Variants in PPM1E observed in about 807,000 individuals in gnomAD.
The protein encoded by PPM1E is protein phosphatase, Mg2+/Mn2+ dependent 1E.
Under a neutral mutation model 65.9 loss-of-function variants are expected in PPM1E, and 20 were observed. That is an observed-to-expected ratio of 0.30 (90% CI 0.21 to 0.44). The LOEUF is 0.44. PPM1E is among the 20% of genes least tolerant of loss of function. The pLI is 1.00. For missense variants in PPM1E, 713 were observed against 953.1 expected, an observed-to-expected ratio of 0.75 and a Z score of 3.32; for synonymous variants, 352 against 374.9, an observed-to-expected ratio of 0.94 and a Z score of 0.70.
In PPM1E at chr17:58,840,235, G is replaced by A. The variant is rs117970180; in HGVS notation, c.464+83774G>A. Among the ~76,000 whole-genome samples, 869 of 152,300 alleles carry A rather than the reference G, an allele frequency of 5.7e-3. 3 individuals carry two copies. The highest frequency in any genetic ancestry group is 9.2e-3 in the Non-Finnish European group (628 of 68,034). On this transcript the variant is annotated intron_variant, in intron 1 of 6. Coordinates refer to ENST00000308249, the MANE Select transcript of PPM1E (RefSeq NM_014906.5). ...ACCAGGTAAGATCACTCAAGCCTTG[G>A]TGTCCAGAGTTTTTGTTGGGGCTTG... is the stretch of plus-strand genomic sequence containing the variant.
At position 58,955,607 on chromosome 17, in the gene PPM1E, A is replaced by G. The variant is rs750603115; in HGVS notation, c.465-42A>G. ...TATAACGTTAAATGTATTACTTTCTAATTCTTTTGCTGAAAATGGCCTTTT... is the reference window on the plus strand; with the variant it reads ...TATAACGTTAAATGTATTACTTTCTGATTCTTTTGCTGAAAATGGCCTTTT... On this transcript the variant is annotated intron_variant, in intron 1 of 6. Transcript: ENST00000308249. 5 of 1,603,552 alleles carry G rather than the reference A, an allele frequency of 3.1e-6. No individual in the cohort carries two copies. The South Asian group carries it at 5.6e-5, about 18-fold the overall frequency.
At chr17:58,803,272 G>GT (rs767647850) in intron 1 of PPM1E, among the ~76,000 whole-genome samples, 2 of 152,202 alleles carry the variant, frequency 1.3e-5, no homozygotes, top group East Asian at 1.9e-4. Context: ...TTTGTTGAAA[G>GT]TTTTTTATCA....
intron 1 of PPM1E, among the ~76,000 whole-genome samples, chr17:58,905,079 G>T (rs1287791523): frequency 3.3e-5 from 5 of 151,262 alleles, no homozygotes; most frequent in Non-Finnish European, 7.4e-5. Context: ...CTATAGTTTT[G>T]TATAATTCCT....
intron 1 of PPM1E, among the ~76,000 whole-genome samples, chr17:58,778,490 A>C (rs1247460167): frequency 6.8e-6 from 1 of 147,824 alleles, no homozygotes; most frequent in African/African-American, 2.5e-5. Flanking sequence ...GCTCACTGCA[A>C]CTTCTGCCTG....
intron 1 of PPM1E, among the ~76,000 whole-genome samples, chr17:58,846,639 A>G (rs1046793348): frequency 4.6e-5 from 7 of 152,150 alleles, no homozygotes; most frequent in Non-Finnish European, 1.0e-4. Context: ...CATGGTGTAT[A>G]TGTGCCACGT....
intron 1 of PPM1E, among the ~76,000 whole-genome samples, chr17:58,941,160 T>G (rs1349308032): frequency 6.6e-6 from 1 of 152,116 alleles, no homozygotes; most frequent in Admixed American, 6.5e-5. Flanking sequence ...TTTACAGAGA[T>G]TAGGTCTGTG....
chr17:58,880,236 T>C (rs911350577), intron 1 of PPM1E, among the ~76,000 whole-genome samples: 6 of 152,202 alleles, frequency 3.9e-5, no homozygotes, highest in African/African-American at 1.4e-4. Context: ...ACATGGGAAT[T>C]TCATCTCCTG....
At chr17:58,777,946 T>G (rs1234335652) in intron 1 of PPM1E, among the ~76,000 whole-genome samples, 2 of 152,206 alleles carry the variant, frequency 1.3e-5, no homozygotes, top group African/African-American at 2.4e-5. Context: ...TGTTGTTGTT[T>G]TGAACCAAGA....
At chr17:58,875,703 T>C (rs1022319935) in intron 1 of PPM1E, among the ~76,000 whole-genome samples, 15 of 152,182 alleles carry the variant, frequency 9.9e-5, no homozygotes, top group African/African-American at 3.4e-4. Flanking sequence ...ACAATCACAG[T>C]TGACTGAACA....
intron 1 of PPM1E, among the ~76,000 whole-genome samples, chr17:58,795,675 G>T (rs34685938): frequency 1.3e-5 from 2 of 152,216 alleles, no homozygotes; most frequent in Admixed American, 1.3e-4. Flanking sequence ...CTGCACTGTA[G>T]CTTGGGAGAC....
At chr17:58,896,442 G>A (rs774599153) in intron 1 of PPM1E, among the ~76,000 whole-genome samples, 21 of 151,992 alleles carry the variant, frequency 1.4e-4, no homozygotes, top group Non-Finnish European at 2.5e-4. Context: ...AAAATTAGCC[G>A]GGCATGGTGG....
intron 1 of PPM1E, among the ~76,000 whole-genome samples, chr17:58,873,630 G>A (rs1451475953): frequency 6.7e-6 from 1 of 150,206 alleles, no homozygotes; most frequent in African/African-American, 2.4e-5. Context: ...GTCTCACTTT[G>A]TCACCCAGGC....
intron 1 of PPM1E, among the ~76,000 whole-genome samples, chr17:58,808,082 C>T (rs2050331995): frequency 6.6e-6 from 1 of 152,176 alleles, no homozygotes; most frequent in African/African-American, 2.4e-5. Context: ...TCTGTCCTTT[C>T]CCTACTGATT....
chr17:58,758,320 G>C (rs575371768), intron 1 of PPM1E, among the ~76,000 whole-genome samples: 1 of 152,064 alleles, frequency 6.6e-6, no homozygotes, highest in Non-Finnish European at 1.5e-5. Flanking sequence ...ATGAGGTCAG[G>C]AGTTCGAGAC....
chr17:58,817,659 G>A (rs2050439103), intron 1 of PPM1E, among the ~76,000 whole-genome samples: 1 of 151,962 alleles, frequency 6.6e-6, no homozygotes, highest in South Asian at 2.1e-4. Flanking sequence ...TTAACACTAG[G>A]GACTCCCAAG....
intron 1 of PPM1E, among the ~76,000 whole-genome samples, chr17:58,923,696 G>C (rs1472026533): frequency 6.7e-6 from 1 of 148,508 alleles, no homozygotes; most frequent in Non-Finnish European, 1.5e-5. Context: ...GCAGTGAGCT[G>C]AGATCGCACT....
chr17:58,890,686 G>A (rs1460626286), intron 1 of PPM1E, among the ~76,000 whole-genome samples: 1 of 151,930 alleles, frequency 6.6e-6, no homozygotes, highest in Non-Finnish European at 1.5e-5. Flanking sequence ...TTCCTGCCTG[G>A]AATGCATTTT....
chr17:58,756,179 C>T lies in PPM1E; in HGVS notation c.182C>T (p.Ala61Val), dbSNP rs904995951. ...CTGGTAGAAGCTGAGGCGGCCGAGG[C>T]TTCGGTAGAGGAACCCGGGGAGGAG... ...PELVEAEAAE[A>V]SVEEPGEEAA... Residue 61 changes from alanine to valine, a missense_variant, in exon 1 of 7, where the codon GCT (alanine) becomes GTT (valine). By Grantham distance (64) the Ala-to-Val change is moderately conservative. Transcript: ENST00000308249. The T allele has an allele frequency of 4.5e-6, 7 of 1,571,696 alleles. No homozygotes were observed. In the African/African-American group the frequency reaches 5.4e-5, roughly 12 times the overall value.
intron 1 of PPM1E, among the ~76,000 whole-genome samples, chr17:58,768,273 G>A (rs185334918): frequency 1.4e-4 from 22 of 151,760 alleles, no homozygotes; most frequent in Admixed American, 5.3e-4. Flanking sequence ...TAGAGATGGC[G>A]GTCTCTATTT....
Sources: allele counts gnomAD v4.1 joint callset (sites outside exome capture counted in the v4.1 genomes callset), GRCh38; gene constraint gnomAD v4.1.1; transcripts MANE v1.5; gene names NCBI Gene and HGNC (gene_info 2026-07-23, HGNC 2026-07-21).